The following TBC1D22B variants were observed in gnomAD, a reference collection of about 807,000 sequenced individuals.
TBC1D22B encodes the protein TBC1 domain family member 22B, also known as chromosome 6 open reading frame 197.
In TBC1D22B, 32 loss-of-function variants were observed where a neutral mutation model predicts 69.1. The observed-to-expected ratio is 0.46, with a 90% CI of 0.35 to 0.62. The LOEUF (loss-of-function observed/expected upper bound fraction) is 0.62. Ranked by LOEUF, TBC1D22B falls within the 20% of genes least tolerant of loss-of-function variation. The pLI is 0.00. For missense variants in TBC1D22B, 462 were observed against 630.9 expected, an observed-to-expected ratio of 0.73 and a Z score of 2.87; for synonymous variants, 206 against 229.8, an observed-to-expected ratio of 0.90 and a Z score of 0.94.
At chr6:37,258,362 G>T (rs566795226) in intron 1 of TBC1D22B, among the ~76,000 whole-genome samples, 2 of 152,254 alleles carry the variant, frequency 1.3e-5, no homozygotes, top group South Asian at 4.1e-4. Flanking sequence ...CAGGTGGTTG[G>T]TCGCTCGAGG....
chr6:37,326,885 T>C (rs528984677), intron 12 of TBC1D22B, among the ~76,000 whole-genome samples: 3 of 152,202 alleles, frequency 2.0e-5, no homozygotes, highest in Non-Finnish European at 4.4e-5. Flanking sequence ...TATTAATATT[T>C]AAAACCATTA....
chr6:37,284,392 G>C lies in TBC1D22B; in HGVS notation c.729G>C (p.Glu243Asp), dbSNP rs373913956. 6.2e-7 allele frequency: 1 copy of C among 1,613,142 alleles called. No individual in the cohort carries two copies. Among genetic ancestry groups the C allele is most frequent in the Non-Finnish European group, 8.5e-7 (1 of 1,179,732 alleles). The change falls in exon 6 of 13, where the codon GAG (glutamate) becomes GAC (aspartate). Residue 243 changes from glutamate to aspartate, a missense_variant. Around this residue, in one of 2 missense-constraint regions of TBC1D22B, gnomAD observed 225 missense variants for 375.4 expected, o/e 0.60. Transcript: ENST00000373491. ...AGTTGACCCTGCAGCGGAAGCGGGA[G>C]GAATATTTTGGCTTCATTGAACAGT... ...RRKLTLQRKR[E>D]EYFGFIEQYY...
chr6:37,307,109 C>T (rs1767743589), intron 8 of TBC1D22B, among the ~76,000 whole-genome samples: 1 of 152,196 alleles, frequency 6.6e-6, no homozygotes, highest in Non-Finnish European at 1.5e-5. Flanking sequence ...CTGCTGCCAT[C>T]AGGTACTTTC....
At chr6:37,306,989 A>T (rs1248284314) in intron 8 of TBC1D22B, among the ~76,000 whole-genome samples, 1 of 152,198 alleles carries the variant, frequency 6.6e-6, no homozygotes, top group Non-Finnish European at 1.5e-5. Context: ...CATCTCTCTC[A>T]GAGACCAGCT....
intron 12 of TBC1D22B, among the ~76,000 whole-genome samples, chr6:37,317,522 T>C (rs1431788890): frequency 1.3e-5 from 2 of 152,150 alleles, no homozygotes; most frequent in Non-Finnish European, 2.9e-5. Flanking sequence ...AGACAAAGGC[T>C]ATATTAAGAA....
At chr6:37,313,785 A>G in intron 9 of TBC1D22B, 31 bp from the exon 10 acceptor site, 3 of 1,607,330 alleles carry the variant, frequency 1.9e-6, no homozygotes, top group Non-Finnish European at 2.6e-6. Context: ...GTTAGAGTCC[A>G]TGTTCATCCT....
At chr6:37,328,084 C>T (rs1040814987) in intron 12 of TBC1D22B, among the ~76,000 whole-genome samples, 43 of 140,948 alleles carry the variant, frequency 3.1e-4, no homozygotes, top group African/African-American at 6.5e-4. Context: ...GAGGCTGAGG[C>T]GGGCGGATCA....
chr6:37,312,579 A>G (rs1392890913), intron 8 of TBC1D22B, among the ~76,000 whole-genome samples: 2 of 152,232 alleles, frequency 1.3e-5, no homozygotes, highest in Non-Finnish European at 2.9e-5. Flanking sequence ...ATCTTCAGGG[A>G]TCTGAGTATA....
intron 5 of TBC1D22B, among the ~76,000 whole-genome samples, chr6:37,283,335 G>T (rs2113741215): frequency 6.6e-6 from 1 of 152,270 alleles, no homozygotes; most frequent in East Asian, 1.9e-4. Context: ...TTGATAAATT[G>T]GCCTCCCTTG....
At position 37,300,741 on chromosome 6, in the gene TBC1D22B, CT is replaced by C. The variant is rs375784713; in HGVS notation, c.982+9385del. On this transcript the variant is annotated intron_variant, in intron 8 of 12. Transcript: ENST00000373491. ...TCTTTCATTATCCTTTAAAAAAATA[CT>C]GTCTTGGTTGTTCTTCCAGATGAAC... Among the ~76,000 whole-genome samples the C allele has an allele frequency of 3.3e-4, 50 of 152,254 alleles. 1 individual carries two copies. In the East Asian group the frequency reaches 7.7e-3, roughly 24 times the overall value.
At chr6:37,287,137 G>C (rs1581594555) in intron 7 of TBC1D22B, 65 bp downstream of exon 7, 3 of 1,375,872 alleles carry the variant, frequency 2.2e-6, no homozygotes, top group East Asian at 5.0e-5. Context: ...CCTGTTTACA[G>C]GTTTGCGGCT....
chr6:37,279,572 A>T lies in TBC1D22B; in HGVS notation c.382A>T (p.Ile128Leu), dbSNP rs778245106. The change falls in exon 3 of 13, where the codon ATA becomes TTA. Residue 128 changes from isoleucine (I) to leucine (L), a missense_variant. By Grantham distance (5) the Ile-to-Leu change is conservative. This residue lies in a region of TBC1D22B where 237 missense variants were observed against 255.4 expected (regional missense o/e 0.93). Coordinates refer to ENST00000373491, the MANE Select transcript of TBC1D22B (RefSeq NM_017772.4). ...TSDVPANYKV[I>L]KSSSDAQLSR... ...GGACGTCCCTGCCAACTACAAGGTC[A>T]TAAAGTCCAGCAGTGATGCCCAGCT... 4 of 1,614,094 alleles carry T rather than the reference A, an allele frequency of 2.5e-6. No homozygotes were observed. The highest frequency in any genetic ancestry group is 2.2e-5 in the South Asian group (2 of 91,078).
intron 7 of TBC1D22B, among the ~76,000 whole-genome samples, chr6:37,288,411 C>G (rs990863489): frequency 2.0e-5 from 3 of 152,134 alleles, no homozygotes; most frequent in Non-Finnish European, 4.4e-5. Flanking sequence ...GGAAAGTAGT[C>G]AGTTTAAAAG....
intron 8 of TBC1D22B, among the ~76,000 whole-genome samples, chr6:37,300,550 C>T (rs1030735683): frequency 3.3e-5 from 5 of 151,896 alleles, no homozygotes; most frequent in African/African-American, 4.8e-5. Context: ...TGAGTAGAGA[C>T]GGGGTTTTAC....
At chr6:37,290,294 T>C (rs1767135019) in intron 7 of TBC1D22B, among the ~76,000 whole-genome samples, 1 of 152,090 alleles carries the variant, frequency 6.6e-6, no homozygotes, top group Admixed American at 6.6e-5. Flanking sequence ...ACCTCTGCCA[T>C]CTCTCTGGTG....
At position 37,279,537 on chromosome 6, in the gene TBC1D22B, C is replaced by T. The variant is rs1164030535; in HGVS notation, c.347C>T (p.Ser116Leu). Residue 116 changes from serine (S) to leucine (L), a missense_variant, in exon 3 of 13, where the codon TCA becomes TTA. Ser to Leu is a moderately radical substitution (Grantham distance 145). Around this residue, in one of 2 missense-constraint regions of TBC1D22B, gnomAD observed 237 missense variants for 255.4 expected, o/e 0.93. Coordinates refer to ENST00000373491, the MANE Select transcript of TBC1D22B (RefSeq NM_017772.4). The stretch of plus-strand genomic sequence containing the variant: ...AGAGTAAAACCAGAACGGTCCCAGT[C>T]AACGACATCGGACGTCCCTGCCAAC... Reference protein sequence around the residue: ...KLRVKPERSQSTTSDVPANYK... With the variant: ...KLRVKPERSQLTTSDVPANYK... 3.7e-6 allele frequency: 6 copies of T among 1,614,216 alleles called. No homozygotes were observed. In the South Asian group the frequency reaches 6.6e-5, roughly 18 times the overall value.
chr6:37,305,139 G>A (rs747088731), intron 8 of TBC1D22B, among the ~76,000 whole-genome samples: 5 of 152,270 alleles, frequency 3.3e-5, no homozygotes, highest in South Asian at 2.1e-4. Flanking sequence ...CGCCCCCCAC[G>A]CTCAGTCCTG....
chr6:37,288,916 T>C (rs573872975), intron 7 of TBC1D22B, among the ~76,000 whole-genome samples: 3 of 152,054 alleles, frequency 2.0e-5, no homozygotes, highest in Admixed American at 2.0e-4. Flanking sequence ...AGAGACAGGG[T>C]CTCACTCTGT....
chr6:37,329,450 T>C (rs1347009047), intron 12 of TBC1D22B, among the ~76,000 whole-genome samples: 2 of 152,240 alleles, frequency 1.3e-5, no homozygotes. Flanking sequence ...AATGATGCAG[T>C]GAATACCTTT....
Sources: gnomAD v4.1 joint callset for allele counts (sites outside exome capture counted in the v4.1 genomes callset) on GRCh38, gnomAD v4.1.1 for gene constraint, gnomAD v4.1.1 regional missense constraint, MANE v1.5 for transcripts, NCBI Gene and HGNC (gene_info 2026-07-23, HGNC 2026-07-21) for gene names.